FMNL3: variants seen among roughly 807,000 people sequenced by gnomAD.
FMNL3 encodes formin-like protein 3.
In FMNL3, 57 loss-of-function variants were observed where a neutral mutation model predicts 119.6. That is an observed-to-expected ratio of 0.48 (90% CI 0.39 to 0.59). The LOEUF is 0.59. FMNL3 is among the 20% of genes least tolerant of loss of function. The pLI, the probability that FMNL3 is intolerant of heterozygous loss-of-function variation, is 0.00. For missense variants in FMNL3, 1,053 were observed against 1,323.5 expected (o/e 0.80, Z 3.17); for synonymous variants, 491 against 507.3 (o/e 0.97, Z 0.43).
At chr12:49,701,543 A>C (rs1419451454) in intron 1 of FMNL3, among the ~76,000 whole-genome samples, 3 of 152,196 alleles carry the variant, frequency 2.0e-5, no homozygotes, top group Admixed American at 2.0e-4. Flanking sequence ...TGACAAACAG[A>C]AGCAAAAAAC....
In FMNL3 at chr12:49,707,140, G is replaced by C. The variant is rs772878484; in HGVS notation, c.41C>G (p.Pro14Arg). 1.5e-5 allele frequency: 24 copies of C among 1,597,910 alleles called. No individual in the cohort carries two copies. Among genetic ancestry groups the C allele is most frequent in the Non-Finnish European group, 2.0e-5 (23 of 1,173,522 alleles). Reference protein sequence around the residue: ...LESAEGVPGEPPSVPLLLPPG... With the variant: ...LESAEGVPGERPSVPLLLPPG... ...CGGCAGCAACAACGGGACAGAGGGGGGCTCTCCCGGGACCCCCTCGGCGCT... is the reference window on the plus strand; with the variant it reads ...CGGCAGCAACAACGGGACAGAGGGGCGCTCTCCCGGGACCCCCTCGGCGCT... The change falls in exon 1 of 26, where the codon CCC becomes CGC. Residue 14 changes from proline (P) to arginine (R), a missense_variant. Physicochemically the swap from Pro to Arg is moderately radical, Grantham distance 103. Transcript: ENST00000335154.
intron 10 of FMNL3, 95 bp from the exon 11 acceptor site, chr12:49,654,397 T>C: frequency 2.2e-6 from 2 of 917,050 alleles, no homozygotes; most frequent in East Asian, 5.0e-5. Context: ...ATCATCATCA[T>C]GTGGATAATT....
chr12:49,647,003 A>T lies in FMNL3; in HGVS notation c.2878T>A (p.Ser960Thr). The T allele has an allele frequency of 6.2e-7, 1 of 1,609,178 alleles. No individual in the cohort carries two copies. The highest frequency in any genetic ancestry group is 8.5e-7 in the Non-Finnish European group (1 of 1,179,670). ...EAKKLDAKTP[S>T]QRNKWQQQEL... ...TGCTGTTGCCACTTGTTCCGCTGGG[A>T]TGGGGTCTAGGGCCAAGAATGTGGA... Residue 960 changes from serine to threonine, a missense_variant, in exon 25 of 26, where the codon TCC (serine) becomes ACC (threonine). This residue lies in a region of FMNL3 where 324 missense variants were observed against 380.9 expected (regional missense o/e 0.85). Coordinates refer to ENST00000335154, the MANE Select transcript of FMNL3 (RefSeq NM_175736.5). This position sits in a 1 kb window ranked among gnomAD's most constrained non-coding sequence, Gnocchi z 4.9.
At position 49,658,488 on chromosome 12, in the gene FMNL3, G is replaced by A. The variant is rs1193252775; in HGVS notation, c.559C>T (p.Pro187Ser). 1.2e-6 allele frequency: 2 copies of A among 1,613,290 alleles called. No individual in the cohort carries two copies. Among genetic ancestry groups the A allele is most frequent in the Middle Eastern group, 1.7e-4 (1 of 6,056 alleles). The change falls in exon 6 of 26, where the codon CCC becomes TCC. Residue 187 changes from proline (P) to serine (S), a missense_variant. Pro to Ser is a moderately conservative substitution (Grantham distance 74, BLOSUM62 -1). Transcript: ENST00000335154. ...DLQPPSALSA[P>S]FTNSLARSAR... is the part of the protein sequence containing the mutation. ...GAGCGAGCGAGGCTGTTGGTGAAGG[G>A]GGCCGACAGGGCGCTGGGTGGCTGC...
At chr12:49,703,924 C>T (rs1375971315) in intron 1 of FMNL3, among the ~76,000 whole-genome samples, 1 of 152,132 alleles carries the variant, frequency 6.6e-6, no homozygotes. Flanking sequence ...AGCCATATTC[C>T]GAGACTGGAT....
In FMNL3 at chr12:49,707,302, C is replaced by A. The variant is rs1289183134; in HGVS notation, c.-122G>T. On this transcript the variant is annotated 5_prime_UTR_variant, in exon 1 of 26. Coordinates refer to ENST00000335154, the MANE Select transcript of FMNL3 (RefSeq NM_175736.5). Reference sequence around the variant, plus strand: ...TCCCCGAGTCCCGACTCCTCGGCCCCGTCGAGGGCGCCGGGGGTTCCCTGG... The same window carrying A: ...TCCCCGAGTCCCGACTCCTCGGCCCAGTCGAGGGCGCCGGGGGTTCCCTGG... The A allele has an allele frequency of 5.2e-6, 5 of 957,146 alleles. No homozygotes were observed. The highest frequency in any genetic ancestry group is 2.2e-5 in the South Asian group (1 of 45,110). The allele number at this position is 957,146 out of a possible 1,614,324, so 59.3% of individuals were successfully genotyped here.
intron 1 of FMNL3, among the ~76,000 whole-genome samples, chr12:49,670,470 G>C (rs994693247): frequency 5.9e-5 from 9 of 152,162 alleles, no homozygotes; most frequent in African/African-American, 2.2e-4. Flanking sequence ...GAGGTCCCAG[G>C]TCTGAGCTAC....
intron 5 of FMNL3, chr12:49,659,933 G>A (rs1041675767): frequency 1.0e-6 from 1 of 985,324 alleles, no homozygotes; most frequent in African/African-American, 1.7e-5. Flanking sequence ...CAGACATGGG[G>A]TCAAAGGCAC....
At position 49,688,284 on chromosome 12, in the gene FMNL3, G is replaced by A. The variant is rs74807598; in HGVS notation, c.126+18771C>T. Reference sequence around the variant, plus strand: ...AGCGAGAAGCCTGGATCTCACTCAGGCCAAACTGCTGCCCATAAGGGAGAC... The same window carrying A: ...AGCGAGAAGCCTGGATCTCACTCAGACCAAACTGCTGCCCATAAGGGAGAC... On this transcript the variant is annotated intron_variant, in intron 1 of 25. Coordinates refer to ENST00000335154, the MANE Select transcript of FMNL3 (RefSeq NM_175736.5). Among the ~76,000 whole-genome samples the A allele has an allele frequency of 2.8e-4, 43 of 152,258 alleles. No individual in the cohort carries two copies. The East Asian group carries it at 7.9e-3, about 28-fold the overall frequency.
chr12:49,665,657 A>G (rs1055711255), intron 4 of FMNL3, among the ~76,000 whole-genome samples, 175 bp downstream of exon 4: 4 of 152,222 alleles, frequency 2.6e-5, no homozygotes, highest in African/African-American at 9.6e-5. Context: ...GGGGGTAGAA[A>G]AGCCAGTAAA....
chr12:49,662,179 C>T, intron 4 of FMNL3, 130 bp from the exon 5 acceptor site: 1 of 849,806 alleles, frequency 1.2e-6, no homozygotes, highest in Non-Finnish European at 1.9e-6. Context: ...TTCTGAAGAT[C>T]AAAACCCATG....
intron 4 of FMNL3, among the ~76,000 whole-genome samples, chr12:49,662,923 T>C (rs1372074669): frequency 6.6e-6 from 1 of 152,182 alleles, no homozygotes; most frequent in Non-Finnish European, 1.5e-5. Context: ...TCTAGAGTGC[T>C]CTACTCCTTC....
At chr12:49,654,014 C>T (rs541271306) in intron 11 of FMNL3, 140 bp from the exon 12 acceptor site, 3 of 1,322,506 alleles carry the variant, frequency 2.3e-6, no homozygotes, top group East Asian at 5.0e-5. Flanking sequence ...CAGATTCTCG[C>T]CCCCATGGAG....
At chr12:49,687,837 C>T (rs753350045) in intron 1 of FMNL3, among the ~76,000 whole-genome samples, 29 of 152,164 alleles carry the variant, frequency 1.9e-4, no homozygotes, top group Non-Finnish European at 4.0e-4. Flanking sequence ...GCCCTATAAA[C>T]CTGTTGCTGA....
chr12:49,643,032 G>A lies in FMNL3; in HGVS notation c.*2783C>T. On this transcript the variant is annotated 3_prime_UTR_variant, in exon 26 of 26. Transcript: ENST00000335154. ...CTCACCCTCAGTGAGTAAGCGTGTA[G>A]AAGGGACATGGGGTGAAGCTGGGTT... 1 of 1,612,688 alleles carries A rather than the reference G, an allele frequency of 6.2e-7. No homozygotes were observed. Among genetic ancestry groups the A allele is most frequent in the South Asian group, 1.1e-5 (1 of 90,926 alleles).
chr12:49,693,635 GGTTTTTTTTTTTTTTT>G lies in FMNL3; in HGVS notation c.126+13404_126+13419del, dbSNP rs1409085863. On this transcript the variant is annotated intron_variant, in intron 1 of 25. Transcript: ENST00000335154. Reference sequence around the variant, plus strand: ...CCACCCGCCTCAGCCTCCCAATCTTGGTTTTTTTTTTTTTTTTTTTTTTTTTTTTTGAGACAGAGTT... The same window carrying G: ...CCACCCGCCTCAGCCTCCCAATCTTGTTTTTTTTTTTTTTGAGACAGAGTT... Among the ~76,000 whole-genome samples, 92 of 21,242 alleles carry G rather than the reference GGTTTTTTTTTTTTTTT, an allele frequency of 4.3e-3. 6 individuals carry two copies. Among genetic ancestry groups the G allele is most frequent in the Admixed American group, 8.0e-3 (10 of 1,244 alleles). 13.9% of individuals were successfully genotyped at this position (21,242 alleles called of 152,430 possible). A position where few individuals can be genotyped will look rare whatever the true frequency, so the allele number is the denominator to read the frequency against.
intron 10 of FMNL3, 98 bp downstream of exon 10, chr12:49,654,812 G>A (rs897740654): frequency 4.1e-5 from 46 of 1,134,088 alleles, no homozygotes; most frequent in Non-Finnish European, 5.1e-5. Context: ...TGGGCTCTAC[G>A]TGGAATATCA....
chr12:49,678,151 CGT>C (rs1944242273), intron 1 of FMNL3, among the ~76,000 whole-genome samples: 1 of 151,130 alleles, frequency 6.6e-6, no homozygotes, highest in African/African-American at 2.4e-5. Context: ...CGTGAGCCAC[CGT>C]GCCCGGCCTA....
Position 49,643,728 on chromosome 12 carries a change from A to G in FMNL3, c.*2087T>C. 6.2e-7 allele frequency: 1 copy of G among 1,614,128 alleles called. No homozygotes were observed. The highest frequency in any genetic ancestry group is 8.5e-7 in the Non-Finnish European group (1 of 1,179,996). On this transcript the variant is annotated 3_prime_UTR_variant, in exon 26 of 26. Coordinates refer to ENST00000335154, the MANE Select transcript of FMNL3 (RefSeq NM_175736.5). Reference sequence around the variant, plus strand: ...GGAAAGCCAAGAAACCAAAAAAGAAAACTAAGAAGAGAAGACACAAGTCGG... The same window carrying G: ...GGAAAGCCAAGAAACCAAAAAAGAAGACTAAGAAGAGAAGACACAAGTCGG...
Sources: allele counts gnomAD v4.1 joint callset (sites outside exome capture counted in the v4.1 genomes callset), GRCh38; gene constraint gnomAD v4.1.1; regional missense constraint gnomAD v4.1.1; non-coding constraint Gnocchi (gnomAD v3.1); transcripts MANE v1.5; gene names NCBI Gene and HGNC (gene_info 2026-07-23, HGNC 2026-07-21).